SUSD4: variants seen among roughly 807,000 people sequenced by gnomAD.
The protein encoded by SUSD4 is sushi domain-containing protein 4.
A neutral mutation model predicts 50.5 loss-of-function variants in SUSD4; 41 were observed. The ratio of observed to expected loss-of-function variants is 0.81; its 90% CI spans 0.63 to 1.05. The LOEUF (loss-of-function observed/expected upper bound fraction) is 1.05, where lower values mean the gene tolerates loss of function less well. Ranked by LOEUF, SUSD4 falls within the 50% of genes least tolerant of loss-of-function variation. The pLI, the probability that SUSD4 is intolerant of heterozygous loss-of-function variation, is 0.00. For missense variants in SUSD4, 580 were observed against 634.7 expected (o/e 0.91, Z 0.93); for synonymous variants, 257 against 257.3 (o/e 1.00, Z 0.01).
intron 2 of SUSD4, among the ~76,000 whole-genome samples, chr1:223,334,710 G>A (rs927411454): frequency 2.6e-5 from 4 of 152,204 alleles, no homozygotes; most frequent in South Asian, 2.1e-4. Context: ...TTTTATTTCC[G>A]TAGGTTTTTG....
chr1:223,295,786 T>C (rs192942089), intron 2 of SUSD4, among the ~76,000 whole-genome samples: 1 of 151,002 alleles, frequency 6.6e-6, no homozygotes, highest in Admixed American at 6.6e-5. Context: ...ACTGAGGGTA[T>C]ACATATGTAA....
upstream of SUSD4, among the ~76,000 whole-genome samples, chr1:223,365,214 G>T (rs1366154179): frequency 1.3e-5 from 2 of 150,218 alleles, no homozygotes; most frequent in African/African-American, 4.9e-5. Flanking sequence ...TCTCTGCGCC[G>T]ATTCTGGTGT....
intron 2 of SUSD4, among the ~76,000 whole-genome samples, chr1:223,321,112 C>A (rs927102372): frequency 1.3e-5 from 2 of 152,156 alleles, no homozygotes; most frequent in East Asian, 3.9e-4. Context: ...TCTGATCAGG[C>A]CATTGCCCTA....
chr1:223,305,923 G>A (rs971492942), intron 2 of SUSD4, among the ~76,000 whole-genome samples: 1 of 152,176 alleles, frequency 6.6e-6, no homozygotes. Flanking sequence ...ATATTTGGAT[G>A]CTAATCAAAT....
chr1:223,312,274 T>C (rs1949441), intron 2 of SUSD4, among the ~76,000 whole-genome samples: 109,670 of 152,084 alleles, frequency 0.72, 39,958 homozygotes, highest in Non-Finnish European at 0.79. Context: ...TAATTTTTTA[T>C]GGAGCCTACA....
intron 2 of SUSD4, among the ~76,000 whole-genome samples, chr1:223,317,851 C>G (rs201380253): frequency 1.2e-4 from 12 of 100,714 alleles, no homozygotes; most frequent in East Asian, 5.9e-4. Context: ...TTTTTTTTTT[C>G]TTTTTTTTTT....
chr1:223,247,807 G>A (rs1313105247), intron 5 of SUSD4, among the ~76,000 whole-genome samples: 1 of 152,148 alleles, frequency 6.6e-6, no homozygotes, highest in African/African-American at 2.4e-5. Context: ...ATTCTAACGG[G>A]TAGACAAAGT....
intron 2 of SUSD4, among the ~76,000 whole-genome samples, chr1:223,338,059 G>A (rs1265983543): frequency 1.3e-5 from 2 of 152,188 alleles, no homozygotes; most frequent in Non-Finnish European, 2.9e-5. Context: ...CCAGGCTAAT[G>A]CAAAAATTCA....
chr1:223,330,150 C>T (rs997532843), intron 2 of SUSD4, among the ~76,000 whole-genome samples: 2 of 152,186 alleles, frequency 1.3e-5, no homozygotes, highest in African/African-American at 2.4e-5. Context: ...CGCATTCATT[C>T]TCATTATCAC....
intron 5 of SUSD4, among the ~76,000 whole-genome samples, chr1:223,233,406 A>G (rs753178796): frequency 7.9e-5 from 12 of 152,302 alleles, no homozygotes; most frequent in Non-Finnish European, 1.6e-4. Flanking sequence ...AGGCTTATTT[A>G]AAAATCCCAA....
At chr1:223,252,219 TAAA>T (rs68004270) in intron 5 of SUSD4, among the ~76,000 whole-genome samples, 351 of 129,050 alleles carry the variant, frequency 2.7e-3, no homozygotes, top group African/African-American at 3.1e-3. Flanking sequence ...AAAGTATAAT[TAAA>T]AAAAAAAAAA....
intron 5 of SUSD4, among the ~76,000 whole-genome samples, chr1:223,252,478 A>T (rs1170144776): frequency 6.6e-6 from 1 of 151,938 alleles, no homozygotes; most frequent in East Asian, 2.0e-4. Context: ...GAGTCTTTAA[A>T]AATGTCAAGC....
chr1:223,300,027 T>C (rs1665081263), intron 2 of SUSD4, among the ~76,000 whole-genome samples: 1 of 152,194 alleles, frequency 6.6e-6, no homozygotes, highest in African/African-American at 2.4e-5. Flanking sequence ...GAATGACACA[T>C]ATGCTGAATG....
intron 3 of SUSD4, among the ~76,000 whole-genome samples, chr1:223,287,603 A>G (rs1209927649): frequency 2.0e-5 from 3 of 152,168 alleles, no homozygotes; most frequent in Non-Finnish European, 4.4e-5. Flanking sequence ...AGCCCTGCAC[A>G]GTGGTTTTAA....
At position 223,363,441 on chromosome 1, in the gene SUSD4, G is replaced by A; in HGVS notation, c.-16C>T. On this transcript the variant is annotated 5_prime_UTR_variant, in exon 2 of 9. Transcript: ENST00000366878. Reference sequence around the variant, plus strand: ...CATGATACATCTTTCATCCACAGAGGGCATCCAGCTTGCAAGAGTCTGCAA... The same window carrying A: ...CATGATACATCTTTCATCCACAGAGAGCATCCAGCTTGCAAGAGTCTGCAA... 1 of 1,529,674 alleles carries A rather than the reference G, an allele frequency of 6.5e-7. No homozygotes were observed. Among genetic ancestry groups the A allele is most frequent in the Non-Finnish European group, 8.8e-7 (1 of 1,133,580 alleles). The allele number at this position is 1,529,674 out of a possible 1,614,324, so 94.8% of individuals were successfully genotyped here. A position where few individuals can be genotyped will look rare whatever the true frequency, so the allele number is the denominator to read the frequency against.
At chr1:223,280,702 T>C (rs536749018) in intron 3 of SUSD4, among the ~76,000 whole-genome samples, 140 of 150,588 alleles carry the variant, frequency 9.3e-4, no homozygotes, top group African/African-American at 3.1e-3. Context: ...TACAAGGATA[T>C]CCAGGAATTG....
Position 223,234,933 on chromosome 1 carries a change from T to C in SUSD4, c.725-5545A>G, listed in dbSNP as rs142755423. ...TGGAATGTTTAATTCAAACGTCCTT[T>C]ATTGCAGGAGAACAACATTTAGAAC... is the stretch of plus-strand genomic sequence containing the variant. On this transcript the variant is annotated intron_variant, in intron 5 of 8. Coordinates refer to ENST00000366878, the MANE Select transcript of SUSD4 (RefSeq NM_017982.4). 2.6e-6 allele frequency: 4 copies of C among 1,568,290 alleles called. No individual in the cohort carries two copies. The East Asian group carries it at 9.1e-5, about 36-fold the overall frequency.
At chr1:223,259,875 C>T (rs1661977293) in intron 5 of SUSD4, among the ~76,000 whole-genome samples, 1 of 152,170 alleles carries the variant, frequency 6.6e-6, no homozygotes, top group Admixed American at 6.5e-5. Context: ...GCTGGAGCCT[C>T]TCACACACAC....
Position 223,351,915 on chromosome 1 carries a change from C to T in SUSD4, c.148+11363G>A, listed in dbSNP as rs142207574. ...TGGACGTTAGCTTAGGCTACATCACCGAGAACATGACCCAGTTTAGCAACA... is the reference window on the plus strand; with the variant it reads ...TGGACGTTAGCTTAGGCTACATCACTGAGAACATGACCCAGTTTAGCAACA... On this transcript the variant is annotated intron_variant, in intron 2 of 8. Transcript: ENST00000366878. Among the ~76,000 whole-genome samples the T allele has an allele frequency of 3.2e-3, 482 of 151,966 alleles. 4 individuals are homozygous for T. The highest frequency in any genetic ancestry group is 0.011 in the African/African-American group (462 of 41,436).
Sources: gnomAD v4.1 joint callset for allele counts (sites outside exome capture counted in the v4.1 genomes callset) on GRCh38, gnomAD v4.1.1 for gene constraint, MANE v1.5 for transcripts, NCBI Gene and HGNC (gene_info 2026-07-23, HGNC 2026-07-21) for gene names.